GNG7: variants seen among roughly 807,000 people sequenced by gnomAD.
GNG7 encodes G protein subunit gamma 7, also known as guanine nucleotide-binding protein G(I)/G(S)/G(O) subunit gamma-7.
In GNG7, 1 loss-of-function variant was observed where a neutral mutation model predicts 4.0. The observed-to-expected ratio is 0.25, with a 90% CI of 0.09 to 1.18. The LOEUF is 1.18. Ranked by LOEUF, GNG7 falls within the 50% of genes most tolerant of loss-of-function variation. GNG7 has a pLI of 0.50. For missense variants in GNG7, 86 were observed against 91.9 expected (o/e 0.94, Z 0.26); for synonymous variants, 34 against 36.9 (o/e 0.92, Z 0.29).
intron 2 of GNG7, among the ~76,000 whole-genome samples, chr19:2,576,437 G>A (rs1385266718): frequency 1.3e-5 from 2 of 152,244 alleles, no homozygotes; most frequent in Admixed American, 6.5e-5. Flanking sequence ...AGGGCGGGCC[G>A]CGGCAGGCGG....
At chr19:2,637,502 C>T (rs1252571965) in intron 2 of GNG7, among the ~76,000 whole-genome samples, 3 of 152,202 alleles carry the variant, frequency 2.0e-5, no homozygotes, top group Non-Finnish European at 4.4e-5. Context: ...CAAAGCCGCA[C>T]TCGCCCAGCC....
Position 2,512,041 on chromosome 19 carries a change from G to A in GNG7, c.*2981C>T, listed in dbSNP as rs1972663563. The A allele has an allele frequency of 6.1e-6, 6 of 985,840 alleles. No homozygotes were observed. Among genetic ancestry groups the A allele is most frequent in the African/African-American group, 1.7e-5 (1 of 57,328 alleles). 61.1% of individuals were successfully genotyped at this position (985,840 alleles called of 1,614,324 possible). On this transcript the variant is annotated 3_prime_UTR_variant, in exon 5 of 5. Coordinates refer to ENST00000382159, the MANE Select transcript of GNG7 (RefSeq NM_052847.3). The surrounding 1 kb of genome is among the most constrained non-coding windows in gnomAD (Gnocchi z 4.7). ...CCCGTGGGAGACCCAGGCTACAGAA[G>A]GAGAAACGGCCTTCTCTCTCCCACC...
rs116594853 is a variant in GNG7, at chr19:2,553,839, T to C, written c.-38+1310A>G. The stretch of plus-strand genomic sequence containing the variant: ...ACATACATGTACATATTATATGTAA[T>C]ATTGCATACATGTACATATTATATG... On this transcript the variant is annotated intron_variant, in intron 3 of 4. Transcript: ENST00000382159. 5.0e-3 allele frequency among the ~76,000 whole-genome samples: 732 copies of C among 147,192 alleles called. 16 individuals are homozygous for C. The highest frequency in any genetic ancestry group is 0.017 in the African/African-American group (694 of 40,184).
intron 2 of GNG7, among the ~76,000 whole-genome samples, chr19:2,603,212 G>A (rs1368871624): frequency 2.0e-5 from 3 of 152,040 alleles, no homozygotes; most frequent in Non-Finnish European, 4.4e-5. Context: ...GATTACAGGT[G>A]CGCACCACCA....
intron 2 of GNG7, among the ~76,000 whole-genome samples, chr19:2,599,893 C>T (rs988520253): frequency 4.7e-5 from 7 of 150,406 alleles, no homozygotes; most frequent in South Asian, 2.1e-4. Context: ...GCTGAGATGG[C>T]GCCACCGCAC....
intron 2 of GNG7, among the ~76,000 whole-genome samples, chr19:2,588,307 C>T (rs962785289): frequency 1.3e-5 from 2 of 152,214 alleles, no homozygotes; most frequent in African/African-American, 4.8e-5. Flanking sequence ...CTGGCCTTTA[C>T]ATCCTAATCA....
At chr19:2,592,835 GGAGGGAGA>G (rs1442478727) in intron 2 of GNG7, among the ~76,000 whole-genome samples, 3 of 142,850 alleles carry the variant, frequency 2.1e-5, no homozygotes, top group Non-Finnish European at 3.1e-5. Context: ...AGAGAGGGAG[GGAGGGAGA>G]GAGGGAGAGA....
chr19:2,602,161 A>AC (rs1475760847), intron 2 of GNG7, among the ~76,000 whole-genome samples: 1 of 151,654 alleles, frequency 6.6e-6, no homozygotes, highest in Non-Finnish European at 1.5e-5. Context: ...ACATGGTGAA[A>AC]CCCCGTCTCT....
rs914909964 is a variant in GNG7, at chr19:2,520,634, T to C, written c.55A>G (p.Ile19Val). The change falls in exon 4 of 5, where the codon ATA becomes GTA. Residue 19 changes from isoleucine (I) to valine (V), a missense_variant. Coordinates refer to ENST00000382159, the MANE Select transcript of GNG7 (RefSeq NM_052847.3). ...QARKLVEQLR[I>V]EAGIERIKVS... Reference sequence around the variant, plus strand: ...TTGATGCGCTCAATCCCGGCTTCTATGCGTAGCTGTTCCACCAGCTTCCGG... The same window carrying C: ...TTGATGCGCTCAATCCCGGCTTCTACGCGTAGCTGTTCCACCAGCTTCCGG... 7.5e-5 allele frequency: 116 copies of C among 1,551,956 alleles called. No individual in the cohort carries two copies. Among genetic ancestry groups the C allele is most frequent in the Non-Finnish European group, 9.4e-5 (108 of 1,144,932 alleles).
intron 1 of GNG7, among the ~76,000 whole-genome samples, chr19:2,685,481 C>T (rs532303867): frequency 3.9e-5 from 6 of 152,006 alleles, no homozygotes; most frequent in Admixed American, 2.0e-4. Flanking sequence ...AAAAATCAGC[C>T]GGGCGTGGTG....
intron 3 of GNG7, among the ~76,000 whole-genome samples, chr19:2,551,252 G>A (rs1405468297): frequency 6.6e-6 from 1 of 152,232 alleles, no homozygotes; most frequent in Non-Finnish European, 1.5e-5. Flanking sequence ...TCAGAAAACA[G>A]GAGAGAGGGC....
At chr19:2,665,365 G>T (rs746672127) in intron 1 of GNG7, among the ~76,000 whole-genome samples, 1 of 80,866 alleles carries the variant, frequency 1.2e-5, no homozygotes, top group South Asian at 5.6e-4. Context: ...GTCCCCTGGG[G>T]GGGGGGGGGC....
In GNG7 at chr19:2,653,741, C is replaced by G. The variant is rs146773378; in HGVS notation, c.-134-7461G>C. ...GCCTTGAATTTCTGCCCTCTGGCCTCCCCTGTCCTCATCCTTATGGGATCT... is the reference window on the plus strand; with the variant it reads ...GCCTTGAATTTCTGCCCTCTGGCCTGCCCTGTCCTCATCCTTATGGGATCT... On this transcript the variant is annotated intron_variant, in intron 1 of 4. Transcript: ENST00000382159. The surrounding 1 kb of genome is among the most constrained non-coding windows in gnomAD (Gnocchi z 4.8). Among the ~76,000 whole-genome samples, 1 of 152,288 alleles carries G rather than the reference C, an allele frequency of 6.6e-6. No individual in the cohort carries two copies. Among genetic ancestry groups the G allele is most frequent in the East Asian group, 1.9e-4 (1 of 5,176 alleles).
chr19:2,575,538 C>T (rs1402886272), intron 2 of GNG7, among the ~76,000 whole-genome samples: 16 of 143,396 alleles, frequency 1.1e-4, no homozygotes, highest in Non-Finnish European at 2.1e-4. Context: ...CACACGCAGA[C>T]AGGCAGGCAC....
At chr19:2,657,352 AAAAAAAAAAATATATATAT>A (rs1304273138) in intron 1 of GNG7, among the ~76,000 whole-genome samples, 261 of 23,342 alleles carry the variant, frequency 0.011, 17 homozygotes, top group African/African-American at 0.023. Flanking sequence ...AAAAAAAAAA[AAAAAAAAAAATATATATAT>A]ATATATATAT....
In GNG7 at chr19:2,514,667, T is replaced by C. The variant is rs1599367650; in HGVS notation, c.*355A>G. ...TTTCCCCCTCGGCGCCGGTCCACAA[T>C]TGAAACGGCAATCGAGAGTTTTAAA... On this transcript the variant is annotated 3_prime_UTR_variant, in exon 5 of 5. Transcript: ENST00000382159. 2 of 177,118 alleles carry C rather than the reference T, an allele frequency of 1.1e-5. No homozygotes were observed. Among genetic ancestry groups the C allele is most frequent in the African/African-American group, 2.4e-5 (1 of 42,036 alleles). 11.0% of individuals were successfully genotyped at this position (177,118 alleles called of 1,614,324 possible). A position where few individuals can be genotyped will look rare whatever the true frequency, so the allele number is the denominator to read the frequency against.
intron 1 of GNG7, among the ~76,000 whole-genome samples, chr19:2,677,979 A>C (rs1241634967): frequency 6.6e-6 from 1 of 152,220 alleles, no homozygotes; most frequent in African/African-American, 2.4e-5. Context: ...ATATGGTCAC[A>C]CAAACATGAG....
At chr19:2,569,025 A>G (rs1980060550) in intron 2 of GNG7, among the ~76,000 whole-genome samples, 1 of 150,278 alleles carries the variant, frequency 6.7e-6, no homozygotes, top group Admixed American at 6.7e-5. Context: ...GCAGACACAT[A>G]TACACAAAAG....
In GNG7 at chr19:2,653,289, C is replaced by T. The variant is rs1030264634; in HGVS notation, c.-134-7009G>A. Among the ~76,000 whole-genome samples, 3 of 152,156 alleles carry T rather than the reference C, an allele frequency of 2.0e-5. No individual in the cohort carries two copies. The highest frequency in any genetic ancestry group is 7.2e-5 in the African/African-American group (3 of 41,436). On this transcript the variant is annotated intron_variant, in intron 1 of 4. Transcript: ENST00000382159. This position sits in a 1 kb window ranked among gnomAD's most constrained non-coding sequence, Gnocchi z 4.8. ...GCGCCCAAGGACACAAACAGCCAGA[C>T]CCTCAGCTCCCAAACCTGGGGATTT...
Sources: allele counts gnomAD v4.1 joint callset (sites outside exome capture counted in the v4.1 genomes callset), GRCh38; gene constraint gnomAD v4.1.1; non-coding constraint Gnocchi (gnomAD v3.1); transcripts MANE v1.5; gene names NCBI Gene and HGNC (gene_info 2026-07-23, HGNC 2026-07-21).